Variants in ZNF423 observed in about 807,000 individuals in gnomAD.
The protein encoded by ZNF423 is zinc finger protein 423.
Under a neutral mutation model 95.8 loss-of-function variants are expected in ZNF423, and 12 were observed. That is an observed-to-expected ratio of 0.13 (90% CI 0.08 to 0.20). The LOEUF is 0.20. ZNF423 is among the 10% of genes least tolerant of loss of function. ZNF423 has a pLI of 1.00. For missense variants in ZNF423, 1,316 were observed against 1,737.1 expected, an observed-to-expected ratio of 0.76 and a Z score of 4.31; for synonymous variants, 749 against 711.9, an observed-to-expected ratio of 1.05 and a Z score of -0.83.
At chr16:49,811,357 ATCGCAGG>A (rs1244612216) in intron 1 of ZNF423, among the ~76,000 whole-genome samples, 2 of 151,996 alleles carry the variant, frequency 1.3e-5, no homozygotes, top group Non-Finnish European at 2.9e-5. Context: ...ATCTCAAATG[ATCGCAGG>A]GGAAATAGGT....
intron 3 of ZNF423, among the ~76,000 whole-genome samples, chr16:49,652,164 C>G (rs150374733): frequency 1.3e-5 from 2 of 152,004 alleles, no homozygotes; most frequent in Admixed American, 1.3e-4. Context: ...CACTCCCTCC[C>G]CCGCCCCCAC....
intron 2 of ZNF423, among the ~76,000 whole-genome samples, chr16:49,784,949 C>CAA (rs527345600): frequency 1.9e-4 from 12 of 62,942 alleles, no homozygotes; most frequent in African/African-American, 4.4e-4. Flanking sequence ...GACTCTGTCT[C>CAA]AAAAAAAAAA....
intron 2 of ZNF423, among the ~76,000 whole-genome samples, chr16:49,740,372 G>C (rs1043441658): frequency 6.6e-6 from 1 of 152,208 alleles, no homozygotes; most frequent in Admixed American, 6.5e-5. Context: ...GGCCCCGGGA[G>C]GGGTGTGGCC....
At chr16:49,600,119 C>G (rs772163569) in intron 5 of ZNF423, among the ~76,000 whole-genome samples, 13 of 152,032 alleles carry the variant, frequency 8.6e-5, no homozygotes, top group Admixed American at 2.0e-4. Context: ...TGAGACCAGC[C>G]TGGCCAACAT....
intron 2 of ZNF423, among the ~76,000 whole-genome samples, chr16:49,765,157 C>A (rs1238016217): frequency 6.6e-6 from 1 of 152,012 alleles, no homozygotes; most frequent in Non-Finnish European, 1.5e-5. Flanking sequence ...AGAAGTAACC[C>A]CATGAGCCAG....
At chr16:49,696,539 A>G (rs1414988189) in intron 3 of ZNF423, among the ~76,000 whole-genome samples, 1 of 152,150 alleles carries the variant, frequency 6.6e-6, no homozygotes, top group Non-Finnish European at 1.5e-5. Context: ...AAGGAGGCCC[A>G]GGCCCGCCAG....
intron 2 of ZNF423, among the ~76,000 whole-genome samples, chr16:49,735,022 A>G (rs1025901322): frequency 6.6e-6 from 1 of 152,072 alleles, no homozygotes; most frequent in African/African-American, 2.4e-5. Context: ...ACTCTACTAC[A>G]TGGTTTCCTC....
intron 1 of ZNF423, among the ~76,000 whole-genome samples, chr16:49,812,098 T>C (rs1175858526): frequency 2.0e-5 from 3 of 152,206 alleles, no homozygotes; most frequent in Middle Eastern, 3.2e-3. Context: ...AGCACTTGTG[T>C]CACCTTCCTA....
chr16:49,596,633 C>T (rs1971186394), intron 5 of ZNF423, among the ~76,000 whole-genome samples: 1 of 152,184 alleles, frequency 6.6e-6, no homozygotes, highest in South Asian at 2.1e-4. Context: ...CCCTGGAGAA[C>T]AGCAAGCCAC....
At chr16:49,544,600 T>C (rs1046602993) in intron 5 of ZNF423, among the ~76,000 whole-genome samples, 20 of 152,204 alleles carry the variant, frequency 1.3e-4, no homozygotes, top group African/African-American at 4.8e-4. Context: ...ACTGAATGGA[T>C]GAGTGAATGA....
intron 5 of ZNF423, among the ~76,000 whole-genome samples, chr16:49,536,874 C>T (rs1185470527): frequency 1.3e-5 from 2 of 152,186 alleles, no homozygotes; most frequent in African/African-American, 2.4e-5. Flanking sequence ...AGAATACAGG[C>T]AAGGTGAGGG....
At chr16:49,731,109 T>C (rs1465385807) in intron 2 of ZNF423, 138 bp from the exon 3 acceptor site, 3 of 1,003,414 alleles carry the variant, frequency 3.0e-6, no homozygotes, top group Admixed American at 5.3e-5. Flanking sequence ...CCTCTCAGTA[T>C]ATTAATAGAT....
intron 3 of ZNF423, among the ~76,000 whole-genome samples, chr16:49,651,767 C>T (rs1973415149): frequency 6.6e-6 from 1 of 151,718 alleles, no homozygotes; most frequent in Non-Finnish European, 1.5e-5. Flanking sequence ...TGGCTACTGG[C>T]TCCCAAATCA....
At chr16:49,651,289 G>A (rs751328647) in intron 3 of ZNF423, among the ~76,000 whole-genome samples, 2 of 151,646 alleles carry the variant, frequency 1.3e-5, no homozygotes, top group Non-Finnish European at 2.9e-5. Context: ...GCCTCCCAAA[G>A]CACTGGGATT....
At chr16:49,511,651 G>C (rs533986080) in intron 7 of ZNF423, among the ~76,000 whole-genome samples, 2 of 152,212 alleles carry the variant, frequency 1.3e-5, no homozygotes, top group Admixed American at 1.3e-4. Context: ...GACAAGGAGT[G>C]TTGTCAGTGT....
At chr16:49,510,038 C>A (rs1015957363) in intron 7 of ZNF423, among the ~76,000 whole-genome samples, 1 of 152,240 alleles carries the variant, frequency 6.6e-6, no homozygotes, top group Non-Finnish European at 1.5e-5. Context: ...CTGCCACTTA[C>A]CAGCCGTGGG....
chr16:49,663,973 A>ACG (rs1381710866), intron 3 of ZNF423: 1 of 690,190 alleles, frequency 1.4e-6, no homozygotes, highest in Non-Finnish European at 1.8e-6. Context: ...CCACTCCCCA[A>ACG]CGCGCCGGGA....
intron 7 of ZNF423, among the ~76,000 whole-genome samples, chr16:49,500,690 G>A (rs1243102536): frequency 6.6e-6 from 1 of 152,020 alleles, no homozygotes; most frequent in African/African-American, 2.4e-5. Flanking sequence ...TGAAGTGGGA[G>A]GATCACTTGA....
intron 5 of ZNF423, among the ~76,000 whole-genome samples, chr16:49,598,272 G>A (rs1249489572): frequency 6.6e-6 from 1 of 152,192 alleles, no homozygotes; most frequent in Non-Finnish European, 1.5e-5. Flanking sequence ...ACCTCTCCTT[G>A]CCTCCATTTC....
Sources: gnomAD v4.1 joint callset for allele counts (sites outside exome capture counted in the v4.1 genomes callset) on GRCh38, gnomAD v4.1.1 for gene constraint, MANE v1.5 for transcripts, NCBI Gene and HGNC (gene_info 2026-07-23, HGNC 2026-07-21) for gene names.